FRY: variants seen among roughly 807,000 people sequenced by gnomAD.
The protein encoded by FRY is FRY microtubule binding protein.
A neutral mutation model predicts 348.4 loss-of-function variants in FRY; 128 were observed. That is an observed-to-expected ratio of 0.37 (90% CI 0.32 to 0.43). The LOEUF (loss-of-function observed/expected upper bound fraction) is 0.43. Ranked by LOEUF, FRY falls within the 20% of genes least tolerant of loss-of-function variation. FRY has a pLI of 1.00. For missense variants in FRY, 2,736 were observed against 3,695.2 expected (o/e 0.74, Z 6.73); for synonymous variants, 1,370 against 1,374.7 (o/e 1.00, Z 0.08).
intron 1 of FRY, among the ~76,000 whole-genome samples, chr13:32,054,448 G>T (rs1325237118): frequency 6.6e-6 from 1 of 152,144 alleles, no homozygotes; most frequent in Non-Finnish European, 1.5e-5. Flanking sequence ...ACTTGCTTGG[G>T]TTGTGAATAA....
At chr13:32,141,609 A>G (rs1168772598) in intron 11 of FRY, among the ~76,000 whole-genome samples, 1 of 152,206 alleles carries the variant, frequency 6.6e-6, no homozygotes, top group Non-Finnish European at 1.5e-5. Flanking sequence ...GGTGCAACCC[A>G]GGAATCTGCA....
At position 32,136,918 on chromosome 13, in the gene FRY, G is replaced by A. The variant is rs750683543; in HGVS notation, c.1125G>A (p.Gln375=). The A allele has an allele frequency of 6.2e-7, 1 of 1,611,758 alleles. No individual in the cohort carries two copies. Among genetic ancestry groups the A allele is most frequent in the Non-Finnish European group, 8.5e-7 (1 of 1,177,816 alleles). Residue 375 remains glutamine, a synonymous_variant, in exon 11 of 61, where the codon CAG becomes CAA. Transcript: ENST00000542859. ...GTTTGCTCTGTGTCAGTCAGAAGCA[G>A]CTGTTCCTGAACAGGTGGCACATTT... The part of the protein sequence containing the change: ...VTCLLCVSQK[Q]LFLNRWHIFL...
At chr13:32,198,303 A>C (rs1468476758) in intron 29 of FRY, among the ~76,000 whole-genome samples, 2 of 152,194 alleles carry the variant, frequency 1.3e-5, no homozygotes, top group African/African-American at 4.8e-5. Flanking sequence ...ATTTGTATAT[A>C]TATAAATGTA....
intron 4 of FRY, 30 bp from the exon 5 acceptor site, chr13:32,124,256 G>T (rs908803803): frequency 4.7e-6 from 6 of 1,267,012 alleles, no homozygotes; most frequent in Non-Finnish European, 6.9e-6. Flanking sequence ...CCTTCAGTGT[G>T]CTTTAATGTA....
At chr13:32,186,858 A>C (rs958155230) in intron 27 of FRY, among the ~76,000 whole-genome samples, 6 of 152,116 alleles carry the variant, frequency 3.9e-5, no homozygotes, top group African/African-American at 1.4e-4. Flanking sequence ...CCTTCAGAAA[A>C]CTAACTGTAT....
At chr13:32,090,087 G>A (rs983760041) in intron 2 of FRY, among the ~76,000 whole-genome samples, 18 of 151,824 alleles carry the variant, frequency 1.2e-4, no homozygotes, top group African/African-American at 3.4e-4. Flanking sequence ...TGTGGCTCAT[G>A]CCTGTAATCC....
chr13:32,074,395 C>T (rs529717915), intron 1 of FRY, among the ~76,000 whole-genome samples: 5 of 152,200 alleles, frequency 3.3e-5, no homozygotes, highest in African/African-American at 9.6e-5. Context: ...AAATTTCAAA[C>T]GGATTCAATA....
chr13:32,201,406 C>T (rs1487337429), intron 29 of FRY, among the ~76,000 whole-genome samples: 2 of 152,224 alleles, frequency 1.3e-5, no homozygotes, highest in Admixed American at 6.5e-5. Context: ...CAGAACTAGA[C>T]TGTACAGGTT....
intron 3 of FRY, among the ~76,000 whole-genome samples, chr13:32,111,105 A>G (rs1377615090): frequency 6.6e-6 from 1 of 152,232 alleles, no homozygotes; most frequent in Non-Finnish European, 1.5e-5. Flanking sequence ...AAAAAAGGCC[A>G]TTGGTTGGCC....
chr13:32,273,667 C>T (rs1044127410), intron 55 of FRY, among the ~76,000 whole-genome samples: 2 of 152,184 alleles, frequency 1.3e-5, no homozygotes, highest in African/African-American at 4.8e-5. Context: ...GCATTTACTA[C>T]TTTACTCTTC....
chr13:32,237,534 G>A lies in FRY; in HGVS notation c.5966G>A (p.Gly1989Asp). 1.2e-6 allele frequency: 2 copies of A among 1,614,092 alleles called. No homozygotes were observed. Among genetic ancestry groups the A allele is most frequent in the Non-Finnish European group, 8.5e-7 (1 of 1,180,018 alleles). Residue 1989 changes from glycine (G) to aspartate (D), a missense_variant, in exon 44 of 61, where the codon GGT (glycine) becomes GAT (aspartate). Transcript: ENST00000542859. This position sits in a 1 kb window ranked among gnomAD's most constrained non-coding sequence, Gnocchi z 6.3. Reference sequence around the variant, plus strand: ...AGCTTCTCTGTGCCCAAGAAGTTTGGTGTCATCGACCGATCCTCTGACCCA... The same window carrying A: ...AGCTTCTCTGTGCCCAAGAAGTTTGATGTCATCGACCGATCCTCTGACCCA... The part of the protein sequence containing the change: ...QRSFSVPKKF[G>D]VIDRSSDPPR...
At chr13:32,267,675 T>C (rs1887989323) in intron 55 of FRY, among the ~76,000 whole-genome samples, 1 of 152,140 alleles carries the variant, frequency 6.6e-6, no homozygotes, top group East Asian at 1.9e-4. Context: ...AGGCCTATCC[T>C]CCATCCCACC....
rs201272942 is a variant in FRY at position 32,294,352 on chromosome 13, AT to A, written c.8581-7del. The A allele has an allele frequency of 1.8e-4, 289 of 1,577,822 alleles. No homozygotes were observed. Among genetic ancestry groups the A allele is most frequent in the African/African-American group, 2.7e-4 (20 of 74,116 alleles). The stretch of plus-strand genomic sequence containing the variant: ...AGCACCTAAATATAGTTTAAAAAAC[AT>A]TTTTTTTTAAATAGCTGCTGAATAT... On this transcript the variant is annotated splice_polypyrimidine_tract_variant and intron_variant, in intron 59 of 60. Transcript: ENST00000542859.
At chr13:32,202,276 C>A (rs1884075103) in intron 30 of FRY, 80 bp from the exon 31 acceptor site, 2 of 1,128,816 alleles carry the variant, frequency 1.8e-6, no homozygotes, top group African/African-American at 1.5e-5. Context: ...TTACTTCTAA[C>A]CTTTGTTAAA....
chr13:32,235,979 A>G (rs1205032875), intron 42 of FRY, 99 bp from the exon 43 acceptor site: 2 of 890,910 alleles, frequency 2.2e-6, no homozygotes, highest in Middle Eastern at 2.1e-4. Flanking sequence ...TAAAGCAGCA[A>G]TAACATTATT....
Position 32,209,691 on chromosome 13 carries a change from G to A in FRY, c.4382G>A (p.Ser1461Asn). The A allele has an allele frequency of 1.2e-6, 2 of 1,614,142 alleles. No individual in the cohort carries two copies. Among genetic ancestry groups the A allele is most frequent in the Non-Finnish European group, 8.5e-7 (1 of 1,180,004 alleles). ...NLRITLQFLI[S>N]LCGVSSDTVL... The stretch of plus-strand genomic sequence containing the variant: ...AGGATCACCTTGCAGTTCCTGATTA[G>A]CCTCTGTGGGGTCAGCAGCGACACA... The change falls in exon 33 of 61, where the codon AGC becomes AAC. Residue 1461 changes from serine to asparagine, a missense_variant. Ser to Asn is a conservative substitution (Grantham distance 46). Transcript: ENST00000542859.
At chr13:32,231,481 G>A (rs151184530) in intron 41 of FRY, among the ~76,000 whole-genome samples, 181 bp downstream of exon 41, 23 of 152,254 alleles carry the variant, frequency 1.5e-4, no homozygotes, top group Admixed American at 5.2e-4. Flanking sequence ...ATTTAATGCC[G>A]TGTATATTTG....
Position 32,209,641 on chromosome 13 carries a change from C to T in FRY, c.4332C>T (p.Asn1444=). 1 of 1,613,990 alleles carries T rather than the reference C, an allele frequency of 6.2e-7. No homozygotes were observed. Among genetic ancestry groups the T allele is most frequent in the South Asian group, 1.1e-5 (1 of 91,072 alleles). ...EMENAWNALA[N]NEKWSNNLRI... The stretch of plus-strand genomic sequence containing the variant: ...AAAATGCTTGGAATGCTTTAGCCAA[C>T]AATGAGAAATGGAGCAACAACCTGA... Residue 1444 remains asparagine, a synonymous_variant, in exon 33 of 61, where the codon AAC becomes AAT. Transcript: ENST00000542859.
chr13:32,215,903 G>T (rs943974064), intron 35 of FRY, among the ~76,000 whole-genome samples: 5 of 152,104 alleles, frequency 3.3e-5, no homozygotes, highest in African/African-American at 9.7e-5. Flanking sequence ...CTTAATAAAA[G>T]ATTTTTATAA....
Sources: allele counts gnomAD v4.1 joint callset (sites outside exome capture counted in the v4.1 genomes callset), GRCh38; gene constraint gnomAD v4.1.1; non-coding constraint Gnocchi (gnomAD v3.1); transcripts MANE v1.5; gene names NCBI Gene and HGNC (gene_info 2026-07-23, HGNC 2026-07-21).